GCFC2: variants seen among roughly 807,000 people sequenced by gnomAD.
GCFC2 encodes the protein GC-rich sequence DNA-binding factor 2.
In GCFC2, 102 loss-of-function variants were observed where a neutral mutation model predicts 99.4. The observed-to-expected ratio is 1.03, with a 90% CI of 0.87 to 1.21. The LOEUF (loss-of-function observed/expected upper bound fraction) is 1.21. Among genes scored for constraint, GCFC2 ranks in the 50% most tolerant of loss-of-function variants. GCFC2 has a pLI of 0.00. For missense variants in GCFC2, 973 were observed against 920.9 expected, an observed-to-expected ratio of 1.06 and a Z score of -0.73; for synonymous variants, 338 against 316.8, an observed-to-expected ratio of 1.07 and a Z score of -0.71.
At chr2:75,690,930 T>C (rs1043015815) in intron 7 of GCFC2, 1 of 413,048 alleles carries the variant, frequency 2.4e-6, no homozygotes, top group South Asian at 3.7e-5. Context: ...AGCCTAAAAA[T>C]GTACTTTGGC....
chr2:75,676,067 G>A (rs766566883), intron 12 of GCFC2, among the ~76,000 whole-genome samples: 2 of 152,152 alleles, frequency 1.3e-5, no homozygotes, highest in Admixed American at 6.5e-5. Flanking sequence ...AATAAAGGCA[G>A]GTGCTCACAA....
chr2:75,668,512 T>C (rs1178930777), intron 15 of GCFC2, among the ~76,000 whole-genome samples: 1 of 152,200 alleles, frequency 6.6e-6, no homozygotes, highest in Non-Finnish European at 1.5e-5. Flanking sequence ...ATGGACCCTA[T>C]TCTATCTGGG....
chr2:75,710,801 T>C lies in GCFC2; in HGVS notation c.55A>G (p.Ser19Gly). 6.3e-7 allele frequency: 1 copy of C among 1,579,408 alleles called. No individual in the cohort carries two copies. The highest frequency in any genetic ancestry group is 8.6e-7 in the Non-Finnish European group (1 of 1,168,992). Reference sequence around the variant, plus strand: ...GCAGGCGACTCCTCGGCGCCATCGCTGTCGCTGGAATCAGCCGCGCGCTGC... The same window carrying C: ...GCAGGCGACTCCTCGGCGCCATCGCCGTCGCTGGAATCAGCCGCGCGCTGC... ...FRQRAADSSD[S>G]DGAEESPAEP... The change falls in exon 1 of 17, where the codon AGC (serine) becomes GGC (glycine). Residue 19 changes from serine (S) to glycine (G), a missense_variant. Transcript: ENST00000321027.
At chr2:75,691,930 T>G in intron 7 of GCFC2, 47 bp downstream of exon 7, 1 of 1,058,332 alleles carries the variant, frequency 9.4e-7, no homozygotes, top group Non-Finnish European at 1.3e-6. Context: ...CTTCACATAA[T>G]TTAGCTTAAT....
chr2:75,689,043 C>G lies in GCFC2; in HGVS notation c.1522G>C (p.Asp508His), dbSNP rs765381780. Residue 508 changes from aspartate to histidine, a missense_variant, in exon 10 of 17, where the codon GAT becomes CAT. Asp to His is a moderately conservative substitution (Grantham distance 81). Transcript: ENST00000321027. Reference protein sequence around the residue: ...LNPLIRVQLIDWNPLKLESTG... With the variant: ...LNPLIRVQLIHWNPLKLESTG... ...ATAAATACCTTAAGAGGATTCCAAT[C>G]AATCAACTGAACTCGTATTAGGGGA... is the stretch of plus-strand genomic sequence containing the variant. 19 of 1,556,432 alleles carry G rather than the reference C, an allele frequency of 1.2e-5. No individual in the cohort carries two copies. Among genetic ancestry groups the G allele is most frequent in the African/African-American group, 4.1e-5 (3 of 73,104 alleles).
intron 4 of GCFC2, among the ~76,000 whole-genome samples, chr2:75,700,024 C>A (rs1013325679): frequency 6.6e-6 from 1 of 152,154 alleles, no homozygotes; most frequent in Admixed American, 6.5e-5. Flanking sequence ...CTTCAGCCCC[C>A]CAAGCAGCTA....
intron 1 of GCFC2, 98 bp downstream of exon 1, chr2:75,710,493 A>G (rs1421159946): frequency 7.2e-7 from 1 of 1,393,696 alleles, no homozygotes. Context: ...TGTGGTCGGC[A>G]GCAAGTTATA....
At chr2:75,700,505 T>C (rs1439880195) in intron 4 of GCFC2, among the ~76,000 whole-genome samples, 1 of 152,198 alleles carries the variant, frequency 6.6e-6, no homozygotes, top group African/African-American at 2.4e-5. Context: ...GTCTCTGTTG[T>C]ATTGTGAAGT....
chr2:75,681,543 TA>T (rs1679580008), intron 11 of GCFC2, among the ~76,000 whole-genome samples: 1 of 151,754 alleles, frequency 6.6e-6, no homozygotes, highest in South Asian at 2.1e-4. Flanking sequence ...GCTTTTTTTT[TA>T]ATTTTTATTT....
intron 12 of GCFC2, among the ~76,000 whole-genome samples, chr2:75,676,466 C>CTTT (rs111433157): frequency 6.8e-6 from 1 of 147,858 alleles, no homozygotes; most frequent in African/African-American, 2.5e-5. Flanking sequence ...GAATATCATA[C>CTTT]TTTTTTTTTT....
At chr2:75,666,170 G>T in intron 15 of GCFC2, 117 bp from the exon 16 acceptor site, 1 of 714,352 alleles carries the variant, frequency 1.4e-6, no homozygotes, top group Non-Finnish European at 2.2e-6. Flanking sequence ...ATAGTTTATG[G>T]TTAAATAAAA....
At chr2:75,685,788 A>G (rs954699687) in intron 11 of GCFC2, among the ~76,000 whole-genome samples, 2 of 152,162 alleles carry the variant, frequency 1.3e-5, no homozygotes, top group African/African-American at 4.8e-5. Context: ...CTGACTTGAC[A>G]TGTCCACTTA....
rs535598714 is a variant in GCFC2, at chr2:75,677,886, G to A, written c.1812+2307C>T. Among the ~76,000 whole-genome samples the A allele has an allele frequency of 1.7e-3, 256 of 151,968 alleles. 1 individual carries two copies. The highest frequency in any genetic ancestry group is 2.4e-3 in the Non-Finnish European group (166 of 67,978). ...CCAGCTACTCGGGAGGCTGAGGCAG[G>A]AGAATTGCTTGAACCTGGGAGGCGG... On this transcript the variant is annotated intron_variant, in intron 12 of 16. Coordinates refer to ENST00000321027, the MANE Select transcript of GCFC2 (RefSeq NM_003203.5).
At chr2:75,678,095 C>CT in intron 12 of GCFC2, among the ~76,000 whole-genome samples, 1 of 152,270 alleles carries the variant, frequency 6.6e-6, no homozygotes, top group South Asian at 2.1e-4. Context: ...CTTAACCCTT[C>CT]TGGGCCCCAG....
intron 4 of GCFC2, chr2:75,697,649 G>C (rs1680389173): frequency 2.6e-5 from 4 of 152,190 alleles, no homozygotes; most frequent in African/African-American, 9.6e-5. Flanking sequence ...GTGACCCCAT[G>C]AAAACATGTT....
chr2:75,675,507 C>T (rs1487341492), intron 12 of GCFC2, among the ~76,000 whole-genome samples: 1 of 152,106 alleles, frequency 6.6e-6, no homozygotes, highest in Non-Finnish European at 1.5e-5. Context: ...CTTTGGGAGG[C>T]TGAGGTGGGT....
upstream of GCFC2, chr2:75,711,179 A>G: frequency 1.0e-6 from 1 of 985,294 alleles, no homozygotes; most frequent in Non-Finnish European, 1.2e-6. Flanking sequence ...GTCCTTGTGC[A>G]AACCCCATCC....
rs1680214961 is a variant in GCFC2, at chr2:75,694,398, G to A, written c.863C>T (p.Ser288Leu). 1 of 1,456,686 alleles carries A rather than the reference G, an allele frequency of 6.9e-7. No individual in the cohort carries two copies. Among genetic ancestry groups the A allele is most frequent in the Non-Finnish European group, 9.2e-7 (1 of 1,087,958 alleles). 90.2% of individuals were successfully genotyped at this position (1,456,686 alleles called of 1,614,324 possible). ...GTATTTTTCATACTCCCTCAGGTGT[G>A]AGCGGTGAGTTTCCTGTAGTAATGT... ...RLTLLQETHR[S>L]HLREYEKYVQ... Residue 288 changes from serine (S) to leucine (L), a missense_variant, in exon 6 of 17, where the codon TCA (serine) becomes TTA (leucine). Physicochemically the swap from Ser to Leu is moderately radical, Grantham distance 145 (BLOSUM62 -2). Coordinates refer to ENST00000321027, the MANE Select transcript of GCFC2 (RefSeq NM_003203.5).
At chr2:75,678,577 C>T (rs139798979) in intron 12 of GCFC2, among the ~76,000 whole-genome samples, 2 of 152,146 alleles carry the variant, frequency 1.3e-5, no homozygotes, top group Non-Finnish European at 2.9e-5. Context: ...TCTCTCCTGT[C>T]TCTCTCCTGA....
Sources: allele counts gnomAD v4.1 joint callset (sites outside exome capture counted in the v4.1 genomes callset), GRCh38; gene constraint gnomAD v4.1.1; transcripts MANE v1.5; gene names NCBI Gene and HGNC (gene_info 2026-07-23, HGNC 2026-07-21).